The following SLC10A7 variants were observed in gnomAD, a reference collection of about 807,000 sequenced individuals.
SLC10A7 encodes sodium/bile acid cotransporter 7.
SLC10A7 carries 29 observed loss-of-function variants against 43.2 expected under a neutral mutation model. The observed-to-expected ratio is 0.67, with a 90% CI of 0.50 to 0.92. The LOEUF is 0.92. Ranked by LOEUF, SLC10A7 falls within the 40% of genes least tolerant of loss-of-function variation. SLC10A7 has a pLI of 0.00. For synonymous variants in SLC10A7, 152 were observed against 144.8 expected, an observed-to-expected ratio of 1.05 and a Z score of -0.35; for missense variants, 295 against 403.2, an observed-to-expected ratio of 0.73 and a Z score of 2.30.
chr4:146,429,787 T>C (rs748674813), intron 5 of SLC10A7, among the ~76,000 whole-genome samples: 18 of 151,642 alleles, frequency 1.2e-4, no homozygotes, highest in Non-Finnish European at 2.5e-4. Flanking sequence ...GCTAGGATAA[T>C]AGAATGGATG....
chr4:146,512,794 A>C (rs1737601832), intron 2 of SLC10A7, among the ~76,000 whole-genome samples: 1 of 152,240 alleles, frequency 6.6e-6, no homozygotes, highest in Non-Finnish European at 1.5e-5. Flanking sequence ...AAATATAGGA[A>C]ATAATATATT....
intron 4 of SLC10A7, among the ~76,000 whole-genome samples, chr4:146,492,013 T>G (rs1735496088): frequency 6.6e-6 from 1 of 151,942 alleles, no homozygotes; most frequent in African/African-American, 2.4e-5. Context: ...GTTAGGAGAT[T>G]GAGACCATCC....
At chr4:146,386,301 G>A (rs1467460030) in intron 5 of SLC10A7, among the ~76,000 whole-genome samples, 1 of 152,028 alleles carries the variant, frequency 6.6e-6, no homozygotes, top group East Asian at 1.9e-4. Context: ...GTATCTCATT[G>A]CGGTTTTGAT....
intron 5 of SLC10A7, among the ~76,000 whole-genome samples, chr4:146,354,124 T>C (rs886636941): frequency 2.7e-5 from 4 of 148,004 alleles, no homozygotes; most frequent in Non-Finnish European, 5.9e-5. Context: ...GACATGATTG[T>C]TTATTTAGAA....
At chr4:146,491,382 G>T (rs973609676) in intron 4 of SLC10A7, among the ~76,000 whole-genome samples, 1 of 152,180 alleles carries the variant, frequency 6.6e-6, no homozygotes, top group African/African-American at 2.4e-5. Context: ...CAAAGGAGCT[G>T]ACTCAAGAGG....
intron 4 of SLC10A7, among the ~76,000 whole-genome samples, chr4:146,472,528 C>G (rs1449825251): frequency 6.7e-6 from 1 of 149,318 alleles, no homozygotes; most frequent in African/African-American, 2.5e-5. Flanking sequence ...TTCCTAACAA[C>G]AGGGAACCCA....
At chr4:146,520,131 A>T (rs968821667) in intron 1 of SLC10A7, among the ~76,000 whole-genome samples, 5 of 152,258 alleles carry the variant, frequency 3.3e-5, no homozygotes, top group African/African-American at 1.2e-4. Context: ...ATTTAAAGTT[A>T]AAGATCATAC....
At chr4:146,375,823 C>T (rs542360322) in intron 5 of SLC10A7, among the ~76,000 whole-genome samples, 27 of 152,150 alleles carry the variant, frequency 1.8e-4, no homozygotes, top group Admixed American at 2.6e-4. Flanking sequence ...AATTCTATTC[C>T]GGCACTTGGT....
chr4:146,271,131 T>A (rs540755625), intron 10 of SLC10A7, among the ~76,000 whole-genome samples: 2 of 152,306 alleles, frequency 1.3e-5, no homozygotes, highest in South Asian at 4.1e-4. Context: ...CCCTTAGTGA[T>A]CTCATCCAAT....
intron 5 of SLC10A7, among the ~76,000 whole-genome samples, chr4:146,332,079 T>C (rs1733576381): frequency 1.3e-5 from 2 of 152,078 alleles, no homozygotes; most frequent in Admixed American, 6.5e-5. Flanking sequence ...TGGTGGTGGA[T>C]TGGTGAGCAA....
At chr4:146,369,473 G>A (rs1487354129) in intron 5 of SLC10A7, among the ~76,000 whole-genome samples, 1 of 152,120 alleles carries the variant, frequency 6.6e-6, no homozygotes, top group Non-Finnish European at 1.5e-5. Flanking sequence ...GCAAATAGAA[G>A]CAAACACGCT....
chr4:146,344,837 C>T (rs1351951262), intron 5 of SLC10A7, among the ~76,000 whole-genome samples: 3 of 152,036 alleles, frequency 2.0e-5, no homozygotes, highest in African/African-American at 7.2e-5. Flanking sequence ...TGCAAATTTA[C>T]ATATGATGAA....
intron 6 of SLC10A7, among the ~76,000 whole-genome samples, chr4:146,313,722 G>A (rs372457636): frequency 6.6e-5 from 10 of 152,168 alleles, no homozygotes; most frequent in East Asian, 1.9e-4. Context: ...AAATTACTAC[G>A]GAAACTAATG....
chr4:146,409,312 A>T (rs1346805809), intron 5 of SLC10A7, among the ~76,000 whole-genome samples: 2 of 147,396 alleles, frequency 1.4e-5, no homozygotes, highest in East Asian at 4.1e-4. Flanking sequence ...ATAGAAAAAA[A>T]ATGCTATTGA....
intron 7 of SLC10A7, among the ~76,000 whole-genome samples, chr4:146,300,801 C>T (rs1351486360): frequency 6.6e-6 from 1 of 151,776 alleles, no homozygotes; most frequent in East Asian, 1.9e-4. Context: ...ATATGTTTTT[C>T]AGGTGATGAC....
At chr4:146,368,843 G>A (rs1409815532) in intron 5 of SLC10A7, among the ~76,000 whole-genome samples, 1 of 152,164 alleles carries the variant, frequency 6.6e-6, no homozygotes, top group Non-Finnish European at 1.5e-5. Context: ...AGAGTCACAT[G>A]TAAAAACAAA....
chr4:146,347,890 G>A (rs1734737377), intron 5 of SLC10A7, among the ~76,000 whole-genome samples: 1 of 152,036 alleles, frequency 6.6e-6, no homozygotes, highest in African/African-American at 2.4e-5. Flanking sequence ...GAAAATGAAA[G>A]AAAATATGAG....
intron 4 of SLC10A7, among the ~76,000 whole-genome samples, chr4:146,467,168 T>A (rs1733103510): frequency 6.6e-6 from 1 of 152,180 alleles, no homozygotes; most frequent in African/African-American, 2.4e-5. Flanking sequence ...CTGTTTCCTC[T>A]TGGTAACTTT....
chr4:146,514,073 G>C (rs529196740), intron 2 of SLC10A7: 1 of 152,198 alleles, frequency 6.6e-6, no homozygotes, highest in Non-Finnish European at 1.5e-5. Context: ...ATTAGACACC[G>C]ATTTCTCTTG....
Sources: allele counts gnomAD v4.1 joint callset (sites outside exome capture counted in the v4.1 genomes callset), GRCh38; gene constraint gnomAD v4.1.1; transcripts MANE v1.5; gene names NCBI Gene and HGNC (gene_info 2026-07-23, HGNC 2026-07-21).